Variants in CNTLN observed in about 807,000 individuals in gnomAD.
CNTLN encodes the protein centlein, centrosomal protein.
CNTLN carries 212 observed loss-of-function variants against 180.0 expected under a neutral mutation model. That is an observed-to-expected ratio of 1.18 (90% CI 1.05 to 1.32). The LOEUF is 1.32. Ranked by LOEUF, CNTLN falls within the 40% of genes most tolerant of loss-of-function variation. CNTLN has a pLI of 0.00. For synonymous variants in CNTLN, 722 were observed against 563.1 expected (o/e 1.28, Z -3.99); for missense variants, 2,095 against 1,610.9 (o/e 1.30, Z -5.14).
intron 2 of CNTLN, among the ~76,000 whole-genome samples, chr9:17,151,074 C>T (rs1409113484): frequency 6.6e-6 from 1 of 152,164 alleles, no homozygotes; most frequent in Non-Finnish European, 1.5e-5. Flanking sequence ...TCTAAATGTA[C>T]AATCATGTCA....
intron 18 of CNTLN, among the ~76,000 whole-genome samples, chr9:17,430,731 C>A (rs915375006): frequency 6.6e-6 from 1 of 152,098 alleles, no homozygotes; most frequent in Non-Finnish European, 1.5e-5. Flanking sequence ...CCTCTGGTAA[C>A]CACCATTCTA....
chr9:17,317,073 A>T (rs953405709), intron 8 of CNTLN, among the ~76,000 whole-genome samples: 1 of 152,018 alleles, frequency 6.6e-6, no homozygotes, highest in African/African-American at 2.4e-5. Context: ...AGAAGATATC[A>T]TGTCGTTATC....
intron 25 of CNTLN, among the ~76,000 whole-genome samples, chr9:17,493,674 T>TA (rs1833291736): frequency 1.3e-5 from 2 of 152,316 alleles, no homozygotes; most frequent in Non-Finnish European, 2.9e-5. Flanking sequence ...TAGAACAAGA[T>TA]ACGTGAAGCA....
intron 8 of CNTLN, among the ~76,000 whole-genome samples, chr9:17,316,099 T>C (rs927802955): frequency 6.6e-6 from 1 of 151,996 alleles, no homozygotes; most frequent in African/African-American, 2.4e-5. Context: ...AGGTTTTGCT[T>C]CATGTATTTT....
chr9:17,356,448 A>G (rs1301183026), intron 12 of CNTLN, among the ~76,000 whole-genome samples: 1 of 152,170 alleles, frequency 6.6e-6, no homozygotes, highest in Non-Finnish European at 1.5e-5. Flanking sequence ...CCTCTTTTCT[A>G]TGTCTTGAAT....
chr9:17,331,892 A>G (rs1182795964), intron 9 of CNTLN, among the ~76,000 whole-genome samples: 1 of 152,020 alleles, frequency 6.6e-6, no homozygotes, highest in Non-Finnish European at 1.5e-5. Context: ...TTAAAAATGT[A>G]TGACTTTGAC....
At chr9:17,397,780 A>T (rs1034994359) in intron 15 of CNTLN, among the ~76,000 whole-genome samples, 1 of 151,742 alleles carries the variant, frequency 6.6e-6, no homozygotes, top group Non-Finnish European at 1.5e-5. Flanking sequence ...GAGACATATC[A>T]TACAATATCT....
intron 10 of CNTLN, among the ~76,000 whole-genome samples, chr9:17,337,992 A>G (rs925182556): frequency 1.3e-5 from 2 of 152,170 alleles, no homozygotes; most frequent in African/African-American, 4.8e-5. Context: ...CTTTGATTCA[A>G]TGAAGAATAA....
intron 6 of CNTLN, among the ~76,000 whole-genome samples, chr9:17,291,839 C>T (rs1019045708): frequency 6.6e-6 from 1 of 152,100 alleles, no homozygotes; most frequent in African/African-American, 2.4e-5. Context: ...TGAATTTGAT[C>T]CTGTTATGAT....
chr9:17,490,480 A>T (rs1833102700), intron 25 of CNTLN, among the ~76,000 whole-genome samples: 1 of 152,054 alleles, frequency 6.6e-6, no homozygotes, highest in Admixed American at 6.6e-5. Context: ...AAAAGAAGTA[A>T]AGCCAGGCAT....
chr9:17,197,718 A>G (rs1465429871), intron 2 of CNTLN, among the ~76,000 whole-genome samples: 2 of 152,124 alleles, frequency 1.3e-5, no homozygotes, highest in Non-Finnish European at 2.9e-5. Context: ...TTCCTTTGCT[A>G]TGCAGAAGCT....
intron 25 of CNTLN, among the ~76,000 whole-genome samples, chr9:17,490,094 A>G (rs1038937875): frequency 1.3e-5 from 2 of 152,184 alleles, no homozygotes; most frequent in Non-Finnish European, 2.9e-5. Flanking sequence ...GAGAAAAGAT[A>G]GAAATAGGAA....
At chr9:17,389,449 C>G (rs967323443) in intron 14 of CNTLN, among the ~76,000 whole-genome samples, 5 of 152,144 alleles carry the variant, frequency 3.3e-5, no homozygotes, top group Non-Finnish European at 5.9e-5. Flanking sequence ...GGTAGAAACC[C>G]TGAAGAAAGC....
At chr9:17,332,122 A>T (rs1464847633) in intron 9 of CNTLN, among the ~76,000 whole-genome samples, 3 of 152,080 alleles carry the variant, frequency 2.0e-5, no homozygotes, top group African/African-American at 7.2e-5. Context: ...CCATATGGTC[A>T]TTATGGTATA....
At chr9:17,352,776 A>T (rs1454260837) in intron 12 of CNTLN, among the ~76,000 whole-genome samples, 3 of 152,124 alleles carry the variant, frequency 2.0e-5, no homozygotes, top group Non-Finnish European at 4.4e-5. Flanking sequence ...GGATTTACCT[A>T]TTTTGAATAT....
intron 19 of CNTLN, among the ~76,000 whole-genome samples, chr9:17,460,325 C>T (rs922099349): frequency 1.3e-5 from 2 of 151,696 alleles, no homozygotes; most frequent in Non-Finnish European, 1.5e-5. Context: ...TATAGGAAAG[C>T]TGTAACAGGG....
chr9:17,306,422 T>TAA (rs1818720564), intron 7 of CNTLN, among the ~76,000 whole-genome samples: 3 of 152,212 alleles, frequency 2.0e-5, no homozygotes. Context: ...GTGCTGGGAT[T>TAA]ACGGATGTGA....
intron 13 of CNTLN, among the ~76,000 whole-genome samples, chr9:17,372,365 A>G (rs1428750783): frequency 6.6e-6 from 1 of 152,164 alleles, no homozygotes; most frequent in East Asian, 1.9e-4. Context: ...ATAAATTGGA[A>G]AATCTAGAAG....
At chr9:17,508,727 C>A (rs1833977030), downstream of CNTLN, among the ~76,000 whole-genome samples, 1 of 152,230 alleles carries the variant, frequency 6.6e-6, no homozygotes. Context: ...CCATCTAAAT[C>A]ATTGTATATA....
Sources: allele counts gnomAD v4.1 joint callset (sites outside exome capture counted in the v4.1 genomes callset), GRCh38; gene constraint gnomAD v4.1.1; transcripts MANE v1.5; gene names NCBI Gene and HGNC (gene_info 2026-07-23, HGNC 2026-07-21).